KCNA2: variants seen among roughly 807,000 people sequenced by gnomAD.
KCNA2 encodes the protein potassium channel, voltage gated shaker related subfamily A, member 2.
KCNA2 carries 11 observed loss-of-function variants against 33.4 expected under a neutral mutation model. The observed-to-expected ratio is 0.33, with a 90% CI of 0.21 to 0.55. KCNA2 has a LOEUF of 0.55. Among genes scored for constraint, KCNA2 ranks in the 20% least tolerant of loss-of-function variants. KCNA2 has a pLI of 0.93. For synonymous variants in KCNA2, 222 were observed against 231.3 expected, an observed-to-expected ratio of 0.96 and a Z score of 0.37; for missense variants, 291 against 621.6, an observed-to-expected ratio of 0.47 and a Z score of 5.66.
chr1:110,618,425 G>A (rs894817792), intron 1 of KCNA2, among the ~76,000 whole-genome samples: 1 of 152,154 alleles, frequency 6.6e-6, no homozygotes, highest in African/African-American at 2.4e-5. Context: ...TGACCTTGCC[G>A]TCCAGTTAGG....
At chr1:110,625,885 C>G (rs1650375393) in intron 1 of KCNA2, among the ~76,000 whole-genome samples, 2 of 152,140 alleles carry the variant, frequency 1.3e-5, no homozygotes, top group Non-Finnish European at 2.9e-5. Context: ...CATATTAAGG[C>G]TACACTGAGA....
chr1:110,620,848 T>C (rs569103542), intron 1 of KCNA2, among the ~76,000 whole-genome samples: 2 of 152,316 alleles, frequency 1.3e-5, no homozygotes, highest in East Asian at 1.9e-4. Context: ...TATTATGTAA[T>C]GATGAGTGAG....
At position 110,594,112 on chromosome 1, in the gene KCNA2, T is replaced by C; in HGVS notation, c.*9171A>G. 5.7e-6 allele frequency: 8 copies of C among 1,404,594 alleles called. No homozygotes were observed. Among genetic ancestry groups the C allele is most frequent in the Non-Finnish European group, 7.4e-6 (8 of 1,084,818 alleles). 87.0% of individuals were successfully genotyped at this position (1,404,594 alleles called of 1,614,324 possible). On this transcript the variant is annotated 3_prime_UTR_variant, in exon 3 of 3. Transcript: ENST00000316361. The stretch of plus-strand genomic sequence containing the variant: ...ATCAGCCTTGGAGTTCCTTCTGCTA[T>C]TGATCCCAAGGAGGCTTATTTATCT...
chr1:110,609,973 T>C (rs945573595), upstream of KCNA2, among the ~76,000 whole-genome samples: 2 of 152,180 alleles, frequency 1.3e-5, no homozygotes, highest in African/African-American at 4.8e-5. Flanking sequence ...AGGACAAAAT[T>C]AGCTATAAAG....
intron 1 of KCNA2, among the ~76,000 whole-genome samples, chr1:110,628,360 C>T (rs1273679097): frequency 2.0e-5 from 3 of 152,160 alleles, no homozygotes; most frequent in South Asian, 2.1e-4. Context: ...CTTCCATGAT[C>T]GCCCTCTGAA....
In KCNA2 at chr1:110,595,154, T is replaced by A; in HGVS notation, c.*8129A>T. 1.0e-6 allele frequency: 1 copy of A among 985,390 alleles called. No homozygotes were observed. The highest frequency in any genetic ancestry group is 1.2e-6 in the Non-Finnish European group (1 of 829,910). The allele number at this position is 985,390 out of a possible 1,614,324, so 61.0% of individuals were successfully genotyped here. On this transcript the variant is annotated 3_prime_UTR_variant, in exon 3 of 3. Coordinates refer to ENST00000316361, the MANE Select transcript of KCNA2 (RefSeq NM_004974.4). The stretch of plus-strand genomic sequence containing the variant: ...GCACACAGCCACATCTACACTGCCC[T>A]CAATGATCTAGATGTTGCAGTAGCT...
chr1:110,613,946 C>T (rs1649968946), intron 1 of KCNA2, among the ~76,000 whole-genome samples: 1 of 152,216 alleles, frequency 6.6e-6, no homozygotes, highest in Admixed American at 6.5e-5. Context: ...CCGTGGTCTT[C>T]CAGCTTCTGC....
intron 1 of KCNA2, among the ~76,000 whole-genome samples, chr1:110,630,350 A>T (rs1650520209): frequency 6.6e-6 from 1 of 152,270 alleles, no homozygotes; most frequent in East Asian, 1.9e-4. Flanking sequence ...CCTTTTTAGG[A>T]TATTTAGTTA....
chr1:110,601,385 G>A lies in KCNA2; in HGVS notation c.*1898C>T, dbSNP rs12047887. 0.26 allele frequency: 258,660 copies of A among 985,156 alleles called. 34,169 individuals are homozygous for A. The highest frequency in any genetic ancestry group is 0.27 in the Non-Finnish European group (223,806 of 829,804). The allele number at this position is 985,156 out of a possible 1,614,324, so 61.0% of individuals were successfully genotyped here. On this transcript the variant is annotated 3_prime_UTR_variant, in exon 3 of 3. Coordinates refer to ENST00000316361, the MANE Select transcript of KCNA2 (RefSeq NM_004974.4). ...AGGGGATCCATTCTGGCTCTTTAGC[G>A]AAAGGTTTGTGAAAGTGACGGATGC...
rs1649285415 is a variant in KCNA2, at chr1:110,600,389, A to T, written c.*2894T>A. 3.0e-6 allele frequency: 3 copies of T among 983,680 alleles called. No homozygotes were observed. Among genetic ancestry groups the T allele is most frequent in the Non-Finnish European group, 3.6e-6 (3 of 829,510 alleles). The allele number at this position is 983,680 out of a possible 1,614,324, so 60.9% of individuals were successfully genotyped here. On this transcript the variant is annotated 3_prime_UTR_variant, in exon 3 of 3. Coordinates refer to ENST00000316361, the MANE Select transcript of KCNA2 (RefSeq NM_004974.4). ...TAGTTTTTTATGTATTTTGCATCTG[A>T]GTTTCAGGTTGTATATTTGTATGTG...
intron 1 of KCNA2, among the ~76,000 whole-genome samples, chr1:110,616,292 C>A (rs1650064071): frequency 6.6e-6 from 1 of 152,098 alleles, no homozygotes; most frequent in Non-Finnish European, 1.5e-5. Flanking sequence ...TGCAGCCCCA[C>A]CCCCACCCCC....
rs549317584 is a variant in KCNA2 at position 110,603,025 on chromosome 1, G to A, written c.*258C>T. 19 of 1,346,942 alleles carry A rather than the reference G, an allele frequency of 1.4e-5. No homozygotes were observed. The highest frequency in any genetic ancestry group is 2.9e-5 in the African/African-American group (2 of 67,886). The allele number at this position is 1,346,942 out of a possible 1,614,324, so 83.4% of individuals were successfully genotyped here. A position where few individuals can be genotyped will look rare whatever the true frequency, so the allele number is the denominator to read the frequency against. On this transcript the variant is annotated 3_prime_UTR_variant, in exon 3 of 3. Coordinates refer to ENST00000316361, the MANE Select transcript of KCNA2 (RefSeq NM_004974.4). This position sits in a 1 kb window ranked among gnomAD's most constrained non-coding sequence, Gnocchi z 5.7. ...GTATGGGATATGAGGTGGCCTCAAC[G>A]TGTCTATCTGAAATCCTAGCTTGAT... is the stretch of plus-strand genomic sequence containing the variant.
At chr1:110,630,802 T>C (rs1350214022) in intron 1 of KCNA2, among the ~76,000 whole-genome samples, 5 of 152,124 alleles carry the variant, frequency 3.3e-5, no homozygotes, top group Non-Finnish European at 7.4e-5. Context: ...GAGGACCCCA[T>C]TGTCACTGCC....
upstream of KCNA2, among the ~76,000 whole-genome samples, chr1:110,610,263 C>T (rs569886868): frequency 6.6e-6 from 1 of 152,378 alleles, no homozygotes; most frequent in South Asian, 2.1e-4. Flanking sequence ...TATGCATACA[C>T]ACCCACACCC....
chr1:110,630,364 TTAAAA>T (rs1332598808), intron 1 of KCNA2, among the ~76,000 whole-genome samples: 7 of 152,212 alleles, frequency 4.6e-5, no homozygotes, highest in African/African-American at 1.4e-4. Flanking sequence ...TTAGTTACAA[TTAAAA>T]TAAATGAGTT....
rs1649371203 is a variant in KCNA2, at chr1:110,601,917, T to C, written c.*1366A>G. The C allele has an allele frequency of 6.8e-7, 1 of 1,462,418 alleles. No individual in the cohort carries two copies. The highest frequency in any genetic ancestry group is 9.0e-7 in the Non-Finnish European group (1 of 1,109,976). 90.6% of individuals were successfully genotyped at this position (1,462,418 alleles called of 1,614,324 possible). A position where few individuals can be genotyped will look rare whatever the true frequency, so the allele number is the denominator to read the frequency against. On this transcript the variant is annotated 3_prime_UTR_variant, in exon 3 of 3. Transcript: ENST00000316361. Reference sequence around the variant, plus strand: ...ATAAATTGCCCTTTGTCAAAAATATTGCATAAGCTTGTACAATGTTCAAAT... The same window carrying C: ...ATAAATTGCCCTTTGTCAAAAATATCGCATAAGCTTGTACAATGTTCAAAT...
chr1:110,618,484 A>G (rs1031281184), intron 1 of KCNA2, among the ~76,000 whole-genome samples: 1 of 152,068 alleles, frequency 6.6e-6, no homozygotes, highest in Non-Finnish European at 1.5e-5. Context: ...TCCCTGTGGA[A>G]TTGCTGCTCT....
chr1:110,600,994 C>T lies in KCNA2; in HGVS notation c.*2289G>A. 1 of 985,584 alleles carries T rather than the reference C, an allele frequency of 1.0e-6. No individual in the cohort carries two copies. Among genetic ancestry groups the T allele is most frequent in the East Asian group, 1.1e-4 (1 of 8,828 alleles). 61.1% of individuals were successfully genotyped at this position (985,584 alleles called of 1,614,324 possible). On this transcript the variant is annotated 3_prime_UTR_variant, in exon 3 of 3. Coordinates refer to ENST00000316361, the MANE Select transcript of KCNA2 (RefSeq NM_004974.4). The stretch of plus-strand genomic sequence containing the variant: ...TTCACTGTTTGGGAAAATTAAGCTA[C>T]TCCGTCAAAAGGCAAAGACGCCCAG...
rs1553181236 is a variant in KCNA2, at chr1:110,603,479, C to G, written c.1304G>C (p.Cys435Ser). 2 of 1,614,070 alleles carry G rather than the reference C, an allele frequency of 1.2e-6. No homozygotes were observed. Among genetic ancestry groups the G allele is most frequent in the Non-Finnish European group, 1.7e-6 (2 of 1,180,006 alleles). ...GTCAGGGGAGGATGGGATCTTTGGA[C>G]AGCTTGTCACTTGCAAGTATTGGGC... ...EQAQYLQVTSCPKIPSSPDLK... is the reference protein window; with the variant it reads ...EQAQYLQVTSSPKIPSSPDLK... The change falls in exon 3 of 3, where the codon TGT becomes TCT. Residue 435 changes from cysteine to serine, a missense_variant. This residue lies in a region of KCNA2 where 65 missense variants were observed against 95.1 expected (regional missense o/e 0.68). Coordinates refer to ENST00000316361, the MANE Select transcript of KCNA2 (RefSeq NM_004974.4). The surrounding 1 kb of genome is among the most constrained non-coding windows in gnomAD (Gnocchi z 5.7).
Sources: allele counts gnomAD v4.1 joint callset (sites outside exome capture counted in the v4.1 genomes callset), GRCh38; gene constraint gnomAD v4.1.1; regional missense constraint gnomAD v4.1.1; non-coding constraint Gnocchi (gnomAD v3.1); transcripts MANE v1.5; gene names NCBI Gene and HGNC (gene_info 2026-07-23, HGNC 2026-07-21).